DNAH3: variants seen among roughly 807,000 people sequenced by gnomAD.
DNAH3 encodes dynein axonemal heavy chain 3.
Under a neutral mutation model 432.5 loss-of-function variants are expected in DNAH3, and 332 were observed. That is an observed-to-expected ratio of 0.77 (90% confidence interval 0.70 to 0.84). DNAH3 has a LOEUF of 0.84. Among genes scored for constraint, DNAH3 ranks in the 40% least tolerant of loss-of-function variants. The pLI is 0.00. For missense variants in DNAH3, 4,861 were observed against 5,114.0 expected (o/e 0.95, Z 1.51); for synonymous variants, 1,956 against 1,900.2 (o/e 1.03, Z -0.76).
intron 41 of DNAH3, among the ~76,000 whole-genome samples, chr16:21,003,859 T>A (rs946677070): frequency 6.6e-6 from 1 of 152,066 alleles, no homozygotes; most frequent in African/African-American, 2.4e-5. Flanking sequence ...CATCCAGAGA[T>A]AACTTTTGAT....
chr16:21,150,670 T>C (rs2092843184), intron 1 of DNAH3, 81 bp downstream of exon 1: 1 of 185,568 alleles, frequency 5.4e-6, no homozygotes, highest in African/African-American at 2.4e-5. Flanking sequence ...TCTTGGAAAT[T>C]TTCCAGAAAC....
chr16:21,104,470 C>T lies in DNAH3; in HGVS notation c.2366+1G>A, dbSNP rs1162485487. 2 of 1,613,554 alleles carry T rather than the reference C, an allele frequency of 1.2e-6. No homozygotes were observed. The highest frequency in any genetic ancestry group is 1.7e-6 in the Non-Finnish European group (2 of 1,179,528). On this transcript the variant is annotated splice_donor_variant, in intron 16 of 61. Coordinates refer to ENST00000261383, the Ensembl canonical transcript of DNAH3. LOFTEE classifies it high-confidence loss of function. Reference sequence around the variant, plus strand: ...AAGACAATCCCAGACTCTCCCGGTACCTTTTAATCAGATCCATTTCTGCCT... The same window carrying T: ...AAGACAATCCCAGACTCTCCCGGTATCTTTTAATCAGATCCATTTCTGCCT...
At chr16:21,138,178 G>A (rs533460072) in intron 5 of DNAH3, among the ~76,000 whole-genome samples, 1 of 152,036 alleles carries the variant, frequency 6.6e-6, no homozygotes, top group South Asian at 2.1e-4. Context: ...AACCCAGGAG[G>A]TGGAGATTGC....
At chr16:21,149,405 C>T (rs998023832) in intron 1 of DNAH3, among the ~76,000 whole-genome samples, 2 of 152,182 alleles carry the variant, frequency 1.3e-5, no homozygotes, top group African/African-American at 4.8e-5. Flanking sequence ...CGCTGTATGG[C>T]AACCTGGTGA....
intron 54 of DNAH3, among the ~76,000 whole-genome samples, chr16:20,958,758 C>G (rs1280274681): frequency 1.3e-5 from 2 of 151,974 alleles, no homozygotes; most frequent in Non-Finnish European, 2.9e-5. Flanking sequence ...CTGCCTTCTG[C>G]TATACTGAAG....
exon 41 of DNAH3, chr16:21,019,800 A>T: frequency 6.2e-7 from 1 of 1,614,172 alleles, no homozygotes; most frequent in Admixed American, 1.7e-5. Flanking sequence ...TTGGAGCCAG[A>T]GAAAGATCTG....
At chr16:21,029,375 A>G (rs1441810978) in intron 37 of DNAH3, among the ~76,000 whole-genome samples, 1 of 152,218 alleles carries the variant, frequency 6.6e-6, no homozygotes, top group African/African-American at 2.4e-5. Context: ...CCAGTGAAGG[A>G]ATTCTTCCTT....
At chr16:21,000,088 G>T in intron 43 of DNAH3, 136 bp downstream of exon 43, 1 of 857,622 alleles carries the variant, frequency 1.2e-6, no homozygotes. Context: ...TGAATACTAA[G>T]CTATATTAAC....
At chr16:21,018,614 G>A (rs1253003323) in intron 41 of DNAH3, among the ~76,000 whole-genome samples, 1 of 152,110 alleles carries the variant, frequency 6.6e-6, no homozygotes, top group Non-Finnish European at 1.5e-5. Context: ...ATAACTGCAG[G>A]CCCGGTGCAG....
intron 12 of DNAH3, among the ~76,000 whole-genome samples, chr16:21,115,235 C>T (rs1399312056): frequency 6.6e-6 from 1 of 151,972 alleles, no homozygotes; most frequent in Non-Finnish European, 1.5e-5. Flanking sequence ...CACACCGGGG[C>T]CTGTCATGGG....
intron 25 of DNAH3, among the ~76,000 whole-genome samples, chr16:21,060,716 G>A (rs1057216522): frequency 2.6e-5 from 4 of 150,978 alleles, no homozygotes; most frequent in Non-Finnish European, 4.4e-5. Context: ...TAGTAGAGAC[G>A]GGGTTTCACC....
intron 18 of DNAH3, among the ~76,000 whole-genome samples, chr16:21,089,098 G>C (rs2091460785): frequency 6.6e-6 from 1 of 152,178 alleles, no homozygotes; most frequent in African/African-American, 2.4e-5. Flanking sequence ...CTGCCAGGAG[G>C]GCTTGTTAAA....
At chr16:21,082,194 C>T (rs1295323513) in intron 19 of DNAH3, among the ~76,000 whole-genome samples, 1 of 151,922 alleles carries the variant, frequency 6.6e-6, no homozygotes, top group Non-Finnish European at 1.5e-5. Flanking sequence ...GCCGCCACAC[C>T]CAGCTAATTT....
intron 51 of DNAH3, among the ~76,000 whole-genome samples, chr16:20,974,651 G>C (rs917157359): frequency 2.1e-4 from 30 of 139,798 alleles, no homozygotes; most frequent in Admixed American, 1.5e-3. Flanking sequence ...AAACTCCGAG[G>C]CTCTGGCGAT....
intron 12 of DNAH3, among the ~76,000 whole-genome samples, chr16:21,115,856 C>T (rs1042140236): frequency 3.0e-4 from 46 of 152,002 alleles, no homozygotes; most frequent in African/African-American, 9.9e-4. Context: ...ATCAAATTCA[C>T]GAGGGCAGGG....
chr16:21,085,822 C>A (rs1243785405), intron 19 of DNAH3, among the ~76,000 whole-genome samples: 1 of 152,004 alleles, frequency 6.6e-6, no homozygotes, highest in Non-Finnish European at 1.5e-5. Context: ...GGCTGGAGTG[C>A]AGTGACACGA....
chr16:21,120,887 G>T (rs1359827284), intron 10 of DNAH3: 1 of 1,524,682 alleles, frequency 6.6e-7, no homozygotes, highest in Non-Finnish European at 9.1e-7. Context: ...AAATTACAGG[G>T]TCTTTTCTTC....
chr16:21,000,354 T>C (rs1397271376), exon 43 of DNAH3: 1 of 1,613,884 alleles, frequency 6.2e-7, no homozygotes, highest in African/African-American at 1.3e-5. Flanking sequence ...TGCAGTTGGG[T>C]AGGTACGTAT....
At chr16:21,042,297 C>A in intron 31 of DNAH3, 94 bp from the exon 32 acceptor site, 1 of 1,339,092 alleles carries the variant, frequency 7.5e-7, no homozygotes. Context: ...AAGAAAGAAC[C>A]CAATCACCCA....
Sources: gnomAD v4.1 joint callset for allele counts (sites outside exome capture counted in the v4.1 genomes callset) on GRCh38, gnomAD v4.1.1 for gene constraint, MANE v1.5 for transcripts, NCBI Gene and HGNC (gene_info 2026-07-23, HGNC 2026-07-21) for gene names.